The following KIAA0753 variants were observed in gnomAD, a reference collection of about 807,000 sequenced individuals.
KIAA0753 encodes KIAA0753.
A neutral mutation model predicts 116.9 loss-of-function variants in KIAA0753; 114 were observed. That is an observed-to-expected ratio of 0.98 (90% CI 0.84 to 1.14). The LOEUF (loss-of-function observed/expected upper bound fraction) is 1.14, where lower values mean the gene tolerates loss of function less well. Ranked by LOEUF, KIAA0753 falls within the 50% of genes most tolerant of loss-of-function variation. The probability of loss-of-function intolerance (pLI) is 0.00; values close to 1 mark genes in which losing one functional copy is unlikely to be tolerated. For synonymous variants in KIAA0753, 405 were observed against 413.1 expected, an observed-to-expected ratio of 0.98 and a Z score of 0.24; for missense variants, 1,156 against 1,172.4, an observed-to-expected ratio of 0.99 and a Z score of 0.20.
intron 6 of KIAA0753, 71 bp downstream of exon 6, chr17:6,622,811 C>T: frequency 1.5e-6 from 2 of 1,314,794 alleles, no homozygotes; most frequent in Non-Finnish European, 2.2e-6. Context: ...TCCATAAATC[C>T]TAACGAAACT....
chr17:6,623,043 G>C lies in KIAA0753; in HGVS notation c.943C>G (p.Gln315Glu). 6.2e-7 allele frequency: 1 copy of C among 1,614,140 alleles called. No homozygotes were observed. The highest frequency in any genetic ancestry group is 8.5e-7 in the Non-Finnish European group (1 of 1,180,004). ...TCAGTAAACTGAGTGACAAACATCTGTAAGGCCCGAATGGCTCCTCGATGG... is the reference window on the plus strand; with the variant it reads ...TCAGTAAACTGAGTGACAAACATCTCTAAGGCCCGAATGGCTCCTCGATGG... ...AAHRGAIRAL[Q>E]MFVTQFTDRG... Residue 315 changes from glutamine (Q) to glutamate (E), a missense_variant, in exon 6 of 19, where the codon CAG becomes GAG. Gln to Glu is a conservative substitution (Grantham distance 29). Coordinates refer to ENST00000361413, the MANE Select transcript of KIAA0753 (RefSeq NM_014804.3).
chr17:6,594,609 A>G (rs563883975), intron 16 of KIAA0753, among the ~76,000 whole-genome samples: 1 of 152,374 alleles, frequency 6.6e-6, no homozygotes, highest in Non-Finnish European at 1.5e-5. Context: ...TTTGCATAAC[A>G]GACATGTATC....
chr17:6,614,045 GAA>G (rs1042546894), intron 7 of KIAA0753, among the ~76,000 whole-genome samples: 5 of 152,036 alleles, frequency 3.3e-5, no homozygotes, highest in African/African-American at 1.2e-4. Context: ...ACAAAGAACA[GAA>G]ACTGGCAATT....
At chr17:6,600,120 G>A (rs532039625) in intron 13 of KIAA0753, among the ~76,000 whole-genome samples, 11 of 152,238 alleles carry the variant, frequency 7.2e-5, no homozygotes, top group Middle Eastern at 3.4e-3. Context: ...TATTTCACTC[G>A]GAACAGGGAT....
intron 18 of KIAA0753, among the ~76,000 whole-genome samples, chr17:6,585,604 T>C (rs1353197910): frequency 1.3e-5 from 2 of 152,200 alleles, no homozygotes. Context: ...CCTGAGACAT[T>C]TGACATTTTC....
intron 12 of KIAA0753, among the ~76,000 whole-genome samples, chr17:6,605,068 T>C (rs1489284050): frequency 2.9e-5 from 4 of 136,802 alleles, no homozygotes; most frequent in African/African-American, 1.1e-4. Context: ...GGCAACATAG[T>C]GAGACCTTGT....
chr17:6,586,454 C>G (rs1371800658), intron 18 of KIAA0753, among the ~76,000 whole-genome samples: 1 of 152,212 alleles, frequency 6.6e-6, no homozygotes, highest in Admixed American at 6.5e-5. Flanking sequence ...AGGCACTTAG[C>G]TTTCTCTAGC....
rs202057726 is a variant in KIAA0753 at position 6,579,743 on chromosome 17, G to A, written c.*4C>T. 1,775 of 1,598,088 alleles carry A rather than the reference G, an allele frequency of 1.1e-3. 6 individuals are homozygous for A. Among genetic ancestry groups the A allele is most frequent in the Admixed American group, 2.2e-3 (134 of 59,982 alleles). ...GACACAAATGGCCTCGCCTCAGAGAGCCTTTATGTAGCAGCCTCTAAGAAT... is the reference window on the plus strand; with the variant it reads ...GACACAAATGGCCTCGCCTCAGAGAACCTTTATGTAGCAGCCTCTAAGAAT... On this transcript the variant is annotated 3_prime_UTR_variant, in exon 19 of 19. Transcript: ENST00000361413.
In KIAA0753 at chr17:6,628,288, A is replaced by C. The variant is rs2150907452; in HGVS notation, c.547T>G (p.Ser183Ala). ...GGCGAATTTGGCACAGTAAGATCTGACTGGCCTGGATGAGATGAGTAAAGG... is the reference window on the plus strand; with the variant it reads ...GGCGAATTTGGCACAGTAAGATCTGCCTGGCCTGGATGAGATGAGTAAAGG... The part of the protein sequence containing the change: ...VYLYSSHPGQ[S>A]DLTVPNSPPT... Residue 183 changes from serine to alanine, a missense_variant, in exon 3 of 19, where the codon TCA becomes GCA. Physicochemically the swap from Ser to Ala is moderately conservative, Grantham distance 99. Transcript: ENST00000361413. 1 of 1,614,132 alleles carries C rather than the reference A, an allele frequency of 6.2e-7. No homozygotes were observed. Among genetic ancestry groups the C allele is most frequent in the East Asian group, 2.2e-5 (1 of 44,880 alleles).
At chr17:6,611,267 T>C (rs4796522) in intron 8 of KIAA0753, among the ~76,000 whole-genome samples, 91,023 of 151,978 alleles carry the variant, frequency 0.6, 27,403 homozygotes, top group East Asian at 0.72. Context: ...TATGCAGTAA[T>C]TATTATTGAT....
At chr17:6,593,265 G>A (rs756351296) in intron 16 of KIAA0753, among the ~76,000 whole-genome samples, 25 of 152,208 alleles carry the variant, frequency 1.6e-4, no homozygotes, top group Non-Finnish European at 3.2e-4. Context: ...GCCAGGTGAC[G>A]GGGCTCATGC....
intron 7 of KIAA0753, 60 bp from the exon 8 acceptor site, chr17:6,612,208 G>A: frequency 7.9e-7 from 1 of 1,270,934 alleles, no homozygotes; most frequent in Non-Finnish European, 1.1e-6. Flanking sequence ...AAATTGCTGA[G>A]AATGATTATC....
chr17:6,610,627 T>C (rs981490530), intron 8 of KIAA0753, among the ~76,000 whole-genome samples: 7 of 150,272 alleles, frequency 4.7e-5, no homozygotes, highest in Admixed American at 4.0e-4. Context: ...CTCAAGCGAT[T>C]CTCCTGCCTT....
chr17:6,606,791 A>G, intron 12 of KIAA0753, 82 bp downstream of exon 12: 2 of 1,006,990 alleles, frequency 2.0e-6, no homozygotes, highest in South Asian at 2.6e-5. Context: ...AGGCCTTAAC[A>G]GTCCAGGTTG....
rs1006010955 is a variant in KIAA0753 at position 6,639,761 on chromosome 17, T to G, written c.-69+876A>C. 1 of 152,634 alleles carries G rather than the reference T, an allele frequency of 6.6e-6. No homozygotes were observed. The highest frequency in any genetic ancestry group is 1.5e-5 in the Non-Finnish European group (1 of 68,108). 9.5% of individuals were successfully genotyped at this position (152,634 alleles called of 1,614,324 possible). A position where few individuals can be genotyped will look rare whatever the true frequency, so the allele number is the denominator to read the frequency against. ...GGCACGGGATGGAGCTCGACTCTAC[T>G]TCCTTCCCCACATCCCGAGGCGGCC... On this transcript the variant is annotated intron_variant, in intron 1 of 18. Transcript: ENST00000361413. The surrounding 1 kb of genome is among the most constrained non-coding windows in gnomAD (Gnocchi z 4.3).
At position 6,578,359 on chromosome 17, in the gene KIAA0753, G is replaced by A. The variant is rs995768087; in HGVS notation, c.*1388C>T. ...ATATTGGGTTTATTTTAAAAACTCA[G>A]CACAGTACAAACTGCCACACAAATT... On this transcript the variant is annotated 3_prime_UTR_variant, in exon 19 of 19. Transcript: ENST00000361413. 5 of 152,086 alleles carry A rather than the reference G, an allele frequency of 3.3e-5. No individual in the cohort carries two copies. The allele number at this position is 152,086 out of a possible 1,614,324, so 9.4% of individuals were successfully genotyped here.
At chr17:6,637,993 C>T (rs1311251317) in intron 1 of KIAA0753, 1 of 152,658 alleles carries the variant, frequency 6.6e-6, no homozygotes, top group Non-Finnish European at 1.5e-5. Flanking sequence ...CTGTCTCTGT[C>T]CCCAGGGTCT....
At chr17:6,583,448 G>A (rs1357461998) in intron 18 of KIAA0753, among the ~76,000 whole-genome samples, 3 of 152,164 alleles carry the variant, frequency 2.0e-5, no homozygotes, top group South Asian at 2.1e-4. Context: ...TTTGTGACTC[G>A]TTTTCTCTCT....
At chr17:6,614,989 G>A (rs1567568374) in intron 7 of KIAA0753, among the ~76,000 whole-genome samples, 1 of 152,014 alleles carries the variant, frequency 6.6e-6, no homozygotes, top group East Asian at 1.9e-4. Flanking sequence ...AGTAGAGACG[G>A]GGTTTCACCA....
Sources: gnomAD v4.1 joint callset for allele counts (sites outside exome capture counted in the v4.1 genomes callset) on GRCh38, gnomAD v4.1.1 for gene constraint, Gnocchi (gnomAD v3.1) non-coding constraint, MANE v1.5 for transcripts, NCBI Gene and HGNC (gene_info 2026-07-23, HGNC 2026-07-21) for gene names.